The following OR9Q1 variants were observed in gnomAD, a reference collection of about 807,000 sequenced individuals.
OR9Q1 encodes the protein olfactory receptor family 9 subfamily Q member 1.
For missense variants in OR9Q1, 374 were observed against 378.8 expected (o/e 0.99, Z 0.11); for synonymous variants, 153 against 148.6 (o/e 1.03, Z -0.22).
chr11:58,038,709 C>A (rs1009259748), intron 1 of OR9Q1, among the ~76,000 whole-genome samples: 1 of 152,188 alleles, frequency 6.6e-6, no homozygotes, highest in African/African-American at 2.4e-5. Flanking sequence ...CATTACATCA[C>A]CATTGTCAAA....
intron 2 of OR9Q1, among the ~76,000 whole-genome samples, chr11:58,135,019 A>G (rs997109814): frequency 1.3e-5 from 2 of 152,134 alleles, no homozygotes; most frequent in East Asian, 1.9e-4. Flanking sequence ...AACACTCAAT[A>G]TGTCACCTCA....
chr11:58,173,312 G>T (rs1278346950), intron 2 of OR9Q1, among the ~76,000 whole-genome samples: 2 of 114,348 alleles, frequency 1.7e-5, no homozygotes, highest in Admixed American at 1.3e-4. Flanking sequence ...ACAGTCCCCA[G>T]TGTGTGATGT....
chr11:58,037,772 G>C (rs1488968679), intron 1 of OR9Q1, among the ~76,000 whole-genome samples: 1 of 126,832 alleles, frequency 7.9e-6, no homozygotes. Flanking sequence ...AGGCTGGGAT[G>C]CAGTGGCGCG....
At position 58,029,505 on chromosome 11, in the gene OR9Q1, T is replaced by C. The variant is rs1295592094; in HGVS notation, c.-93+5401T>C. Among the ~76,000 whole-genome samples, 3 of 152,074 alleles carry C rather than the reference T, an allele frequency of 2.0e-5. No homozygotes were observed. The South Asian group carries it at 6.2e-4, about 31-fold the overall frequency. ...AGACCTCACTTTTGGATGGGAAGAG[T>C]GTTCAAGAATTTGGGGCTGTATTTT... On this transcript the variant is annotated intron_variant, in intron 1 of 2. Transcript: ENST00000335397.
chr11:58,104,718 C>A (rs17152341), intron 2 of OR9Q1, among the ~76,000 whole-genome samples: 5,862 of 152,104 alleles, frequency 0.039, 124 homozygotes, highest in East Asian at 0.056. Context: ...TAGTTTTAAC[C>A]AATGCACTGA....
chr11:58,097,979 A>G (rs531740427), intron 2 of OR9Q1, among the ~76,000 whole-genome samples: 1 of 152,352 alleles, frequency 6.6e-6, no homozygotes, highest in African/African-American at 2.4e-5. Context: ...ACCAAGTTGC[A>G]TGAAGAAACT....
intron 2 of OR9Q1, among the ~76,000 whole-genome samples, chr11:58,058,855 C>A (rs1853351853): frequency 6.6e-6 from 1 of 152,144 alleles, no homozygotes; most frequent in African/African-American, 2.4e-5. Context: ...AGAGCTTGGC[C>A]AGGACTCAAG....
intron 2 of OR9Q1, among the ~76,000 whole-genome samples, chr11:58,159,269 A>G (rs1854436262): frequency 1.3e-5 from 2 of 152,230 alleles, no homozygotes; most frequent in Non-Finnish European, 2.9e-5. Context: ...TCTGAGACTC[A>G]GATCACATAC....
rs186945951 is a variant in OR9Q1 at position 58,039,713 on chromosome 11, G to A, written c.-93+15609G>A. Among the ~76,000 whole-genome samples the A allele has an allele frequency of 5.9e-5, 9 of 152,296 alleles. 1 individual carries two copies. The East Asian group carries it at 1.5e-3, about 26-fold the overall frequency. On this transcript the variant is annotated intron_variant, in intron 1 of 2. Coordinates refer to ENST00000335397, the MANE Select transcript of OR9Q1 (RefSeq NM_001005212.4). ...TATAAAACAGTTTCACAATAGATAT[G>A]TTTAGTCCACTCCACTCAGGTTAGG...
chr11:58,109,366 A>G lies in OR9Q1; in HGVS notation c.-15+53419A>G, dbSNP rs1372641571. The G allele has an allele frequency of 1.5e-5, 7 of 459,156 alleles. No individual in the cohort carries two copies. In the Admixed American group the frequency reaches 1.6e-4, roughly 11 times the overall value. The allele number at this position is 459,156 out of a possible 1,614,324, so 28.4% of individuals were successfully genotyped here. A position where few individuals can be genotyped will look rare whatever the true frequency, so the allele number is the denominator to read the frequency against. ...ACATATGGTGAAGAAAGAGAACTGC[A>G]CAGCACGGCAGCCATAGGAGATAAC... On this transcript the variant is annotated intron_variant, in intron 2 of 2. Transcript: ENST00000335397.
intron 2 of OR9Q1, among the ~76,000 whole-genome samples, chr11:58,172,345 C>T (rs540770925): frequency 2.0e-5 from 3 of 152,174 alleles, no homozygotes; most frequent in East Asian, 1.9e-4. Context: ...CTTAAAGTAA[C>T]GGTTGTTATA....
intron 2 of OR9Q1, among the ~76,000 whole-genome samples, chr11:58,108,094 C>T (rs1052768291): frequency 6.6e-6 from 1 of 152,016 alleles, no homozygotes; most frequent in African/African-American, 2.4e-5. Context: ...ATATTATAGT[C>T]CTGCAGATAT....
chr11:58,071,952 T>C (rs1006943871), intron 2 of OR9Q1, among the ~76,000 whole-genome samples: 1 of 152,180 alleles, frequency 6.6e-6, no homozygotes. Flanking sequence ...AAAAGATAAC[T>C]ATTGGGTACT....
chr11:58,171,795 A>G (rs1323613060), intron 2 of OR9Q1: 1 of 152,174 alleles, frequency 6.6e-6, no homozygotes, highest in African/African-American at 2.4e-5. Context: ...TCTCATTATC[A>G]TTTGCAGGTG....
chr11:58,069,139 GT>G (rs1853462189), intron 2 of OR9Q1, among the ~76,000 whole-genome samples: 2 of 151,464 alleles, frequency 1.3e-5, no homozygotes, highest in Admixed American at 1.3e-4. Flanking sequence ...ACTCAAGTGA[GT>G]CCATGCCTCA....
intron 2 of OR9Q1, chr11:58,125,500 T>C (rs1359361171): frequency 6.6e-6 from 1 of 152,186 alleles, no homozygotes; most frequent in Non-Finnish European, 1.5e-5. Flanking sequence ...TTTAAGCATT[T>C]TGTAGAAAGC....
chr11:58,090,990 C>A (rs565774388), intron 2 of OR9Q1, among the ~76,000 whole-genome samples: 127 of 152,068 alleles, frequency 8.4e-4, no homozygotes, highest in African/African-American at 2.8e-3. Context: ...GTGGTGATAT[C>A]CCCTTTATCA....
rs111959157 is a variant in OR9Q1 at position 58,148,280 on chromosome 11, C to T, written c.-14-31151C>T. The stretch of plus-strand genomic sequence containing the variant: ...ATGATGGAGTGTAAACCATACAACA[C>T]GTAATCTAGGGCCTTTGGCAGAAGT... On this transcript the variant is annotated intron_variant, in intron 2 of 2. Coordinates refer to ENST00000335397, the MANE Select transcript of OR9Q1 (RefSeq NM_001005212.4). Among the ~76,000 whole-genome samples, 45 of 152,058 alleles carry T rather than the reference C, an allele frequency of 3.0e-4. 1 individual carries two copies. The highest frequency in any genetic ancestry group is 7.0e-4 in the African/African-American group (29 of 41,466).
At chr11:58,135,280 GT>G (rs1854179266) in intron 2 of OR9Q1, among the ~76,000 whole-genome samples, 1 of 152,092 alleles carries the variant, frequency 6.6e-6, no homozygotes, top group South Asian at 2.1e-4. Flanking sequence ...GCCAACTAAA[GT>G]TTTTTTCCAA....
Sources: gnomAD v4.1 joint callset for allele counts (sites outside exome capture counted in the v4.1 genomes callset) on GRCh38, gnomAD v4.1.1 for gene constraint, MANE v1.5 for transcripts, NCBI Gene and HGNC (gene_info 2026-07-23, HGNC 2026-07-21) for gene names.